The following DLG5 variants were observed in gnomAD, a reference collection of about 807,000 sequenced individuals.
The protein encoded by DLG5 is discs large MAGUK scaffold protein 5.
A neutral mutation model predicts 189.8 loss-of-function variants in DLG5; 48 were observed. That is an observed-to-expected ratio of 0.25 (90% CI 0.20 to 0.32). The LOEUF (loss-of-function observed/expected upper bound fraction) is 0.32, where lower values mean the gene tolerates loss of function less well. Ranked by LOEUF, DLG5 falls within the 10% of genes least tolerant of loss-of-function variation. DLG5 has a pLI of 1.00. For synonymous variants in DLG5, 1,016 were observed against 1,054.1 expected (o/e 0.96, Z 0.70); for missense variants, 2,160 against 2,544.7 (o/e 0.85, Z 3.25).
intron 22 of DLG5, among the ~76,000 whole-genome samples, chr10:77,811,690 C>A (rs932899817): frequency 2.0e-5 from 3 of 152,264 alleles, no homozygotes; most frequent in African/African-American, 7.2e-5. Context: ...TACCATGGGC[C>A]CCTGCTGGTC....
chr10:77,921,687 T>A (rs1564598860), intron 1 of DLG5, among the ~76,000 whole-genome samples: 1 of 152,160 alleles, frequency 6.6e-6, no homozygotes, highest in Non-Finnish European at 1.5e-5. Context: ...CTCCATGCAT[T>A]CAGAGCTTCA....
At chr10:77,920,731 T>G (rs1227129211) in intron 1 of DLG5, among the ~76,000 whole-genome samples, 2 of 152,186 alleles carry the variant, frequency 1.3e-5, no homozygotes, top group Admixed American at 1.3e-4. Context: ...GAGCTCCCTT[T>G]CTTCCCTGGT....
chr10:77,899,467 C>T (rs1845861005), intron 1 of DLG5, among the ~76,000 whole-genome samples: 1 of 152,198 alleles, frequency 6.6e-6, no homozygotes, highest in South Asian at 2.1e-4. Flanking sequence ...TGCCTCAGTT[C>T]CCTCATCTGT....
At position 77,792,514 on chromosome 10, in the gene DLG5, T is replaced by C. The variant is rs760312523; in HGVS notation, c.5686A>G (p.Ile1896Val). The C allele has an allele frequency of 1.2e-6, 2 of 1,614,190 alleles. No homozygotes were observed. Among genetic ancestry groups the C allele is most frequent in the Non-Finnish European group, 1.7e-6 (2 of 1,180,022 alleles). Residue 1896 changes from isoleucine (I) to valine (V), a missense_variant, in exon 32 of 32, where the codon ATT (isoleucine) becomes GTT (valine). By Grantham distance (29) the Ile-to-Val change is conservative. Transcript: ENST00000372391. Reference sequence around the variant, plus strand: ...ACCATTGCCAAGATCTGAGTGCAAATGCTTGACAGGGCTCCTCCCTGGATG... The same window carrying C: ...ACCATTGCCAAGATCTGAGTGCAAACGCTTGACAGGGCTCCTCCCTGGATG... The part of the protein sequence containing the change: ...GVIQGGALSS[I>V]CTQILAMVNQ...
intron 1 of DLG5, among the ~76,000 whole-genome samples, chr10:77,901,547 A>G (rs1421017478): frequency 6.6e-6 from 1 of 152,210 alleles, no homozygotes; most frequent in Non-Finnish European, 1.5e-5. Flanking sequence ...ATCGCATCAG[A>G]AAGGCAGCAT....
At chr10:77,816,287 G>A in intron 20 of DLG5, 2 of 686,202 alleles carry the variant, frequency 2.9e-6, no homozygotes, top group South Asian at 3.0e-5. Flanking sequence ...TGTAAATGGT[G>A]CCATGATGGC....
intron 2 of DLG5, among the ~76,000 whole-genome samples, chr10:77,857,204 G>C (rs924858744): frequency 1.3e-5 from 2 of 152,136 alleles, no homozygotes; most frequent in East Asian, 3.9e-4. Flanking sequence ...TGTTTTGGCC[G>C]TGATCCTTGC....
chr10:77,933,421 G>T, the DLG5 span, among the ~76,000 whole-genome samples: 1 of 151,782 alleles, frequency 6.6e-6, no homozygotes, highest in East Asian at 1.9e-4. Flanking sequence ...AGCCTTCCAA[G>T]TACCTGGGAT....
intron 15 of DLG5, 98 bp from the exon 16 acceptor site, chr10:77,820,116 C>T (rs948013875): frequency 1.8e-5 from 28 of 1,526,152 alleles, no homozygotes; most frequent in South Asian, 1.6e-4. Flanking sequence ...GAGGCCGAGG[C>T]GGGCAGATCA....
intron 2 of DLG5, among the ~76,000 whole-genome samples, chr10:77,859,139 G>A (rs1276952876): frequency 6.6e-6 from 1 of 152,126 alleles, no homozygotes; most frequent in African/African-American, 2.4e-5. Flanking sequence ...GCCTCCCAAA[G>A]TGGTCGGATT....
At chr10:77,834,149 T>G in intron 8 of DLG5, 110 bp from the exon 9 acceptor site, 2 of 1,392,184 alleles carry the variant, frequency 1.4e-6, no homozygotes, top group Non-Finnish European at 1.9e-6. Context: ...CCGGCACCTA[T>G]CCCATCCCCA....
At chr10:77,920,581 T>G (rs549771790) in intron 1 of DLG5, among the ~76,000 whole-genome samples, 1 of 152,296 alleles carries the variant, frequency 6.6e-6, no homozygotes, top group Admixed American at 6.5e-5. Flanking sequence ...GGGGTTCCAC[T>G]GCTGGGCACA....
At chr10:77,884,635 G>A (rs1037461849) in intron 1 of DLG5, among the ~76,000 whole-genome samples, 9 of 152,130 alleles carry the variant, frequency 5.9e-5, no homozygotes, top group African/African-American at 1.7e-4. Flanking sequence ...TTAAATGACT[G>A]TGACTCAAGG....
chr10:77,907,916 G>A (rs1846111008), intron 1 of DLG5, among the ~76,000 whole-genome samples: 1 of 152,134 alleles, frequency 6.6e-6, no homozygotes, highest in Admixed American at 6.5e-5. Context: ...GAGATCAAAT[G>A]AGAAAATAAA....
intron 1 of DLG5, among the ~76,000 whole-genome samples, chr10:77,921,867 A>G (rs930222706): frequency 2.0e-5 from 3 of 152,196 alleles, no homozygotes; most frequent in Non-Finnish European, 4.4e-5. Context: ...ACATCAGGCA[A>G]TGAGCACGCG....
intron 17 of DLG5, among the ~76,000 whole-genome samples, chr10:77,818,486 G>C (rs10824578): frequency 0.31 from 47,132 of 152,160 alleles, 7,483 homozygotes; most frequent in Non-Finnish European, 0.35. Flanking sequence ...GTCCCACAGG[G>C]TTTGTGCCCT....
intron 13 of DLG5, among the ~76,000 whole-genome samples, chr10:77,827,067 T>C (rs1008323601): frequency 6.6e-5 from 10 of 152,328 alleles, no homozygotes; most frequent in African/African-American, 2.2e-4. Context: ...TGAAAGTGTC[T>C]GGGACATAAT....
At chr10:77,931,420 T>TA (rs1328896084), upstream of DLG5, among the ~76,000 whole-genome samples, 7 of 151,770 alleles carry the variant, frequency 4.6e-5, no homozygotes, top group Non-Finnish European at 1.0e-4. Flanking sequence ...GGTATTTTTT[T>TA]TTTTATTTTT....
At chr10:77,872,634 C>T (rs1286055605) in intron 1 of DLG5, among the ~76,000 whole-genome samples, 2 of 152,168 alleles carry the variant, frequency 1.3e-5, no homozygotes, top group Non-Finnish European at 2.9e-5. Flanking sequence ...CTCGGTCATG[C>T]TTTGTCTCTG....
Sources: allele counts gnomAD v4.1 joint callset (sites outside exome capture counted in the v4.1 genomes callset), GRCh38; gene constraint gnomAD v4.1.1; transcripts MANE v1.5; gene names NCBI Gene and HGNC (gene_info 2026-07-23, HGNC 2026-07-21).